The following ESRRG variants were observed in gnomAD, a reference collection of about 807,000 sequenced individuals.
ESRRG encodes estrogen related receptor gamma, also known as estrogen-related receptor gamma.
Under a neutral mutation model 44.0 loss-of-function variants are expected in ESRRG, and 13 were observed. The observed-to-expected ratio is 0.30, with a 90% CI of 0.19 to 0.47. The LOEUF (loss-of-function observed/expected upper bound fraction) is 0.47. Among genes scored for constraint, ESRRG ranks in the 20% least tolerant of loss-of-function variants. ESRRG has a pLI of 1.00. For missense variants in ESRRG, 395 were observed against 580.6 expected, an observed-to-expected ratio of 0.68 and a Z score of 3.29; for synonymous variants, 215 against 214.6, an observed-to-expected ratio of 1.00 and a Z score of -0.02.
intron 3 of ESRRG, among the ~76,000 whole-genome samples, chr1:216,639,528 G>C (rs1309166194): frequency 6.6e-6 from 1 of 152,096 alleles, no homozygotes; most frequent in African/African-American, 2.4e-5. Context: ...CCAGAAATTG[G>C]TACAGAAACC....
chr1:217,125,792 G>A (rs2092881903), intron 1 of ESRRG, among the ~76,000 whole-genome samples: 2 of 152,196 alleles, frequency 1.3e-5, no homozygotes, highest in Middle Eastern at 3.2e-3. Context: ...TATGTGGTCA[G>A]ACAACTTCTT....
intron 1 of ESRRG, among the ~76,000 whole-genome samples, chr1:217,132,200 G>T (rs1288035224): frequency 6.6e-6 from 1 of 152,110 alleles, no homozygotes; most frequent in Non-Finnish European, 1.5e-5. Flanking sequence ...TCACTGTGTT[G>T]CTCAGGCTGG....
intron 2 of ESRRG, among the ~76,000 whole-genome samples, chr1:216,839,456 A>T (rs1419576622): frequency 6.6e-6 from 1 of 152,126 alleles, no homozygotes; most frequent in East Asian, 1.9e-4. Context: ...ATGAATCACA[A>T]ATGTTCTGAA....
intron 2 of ESRRG, among the ~76,000 whole-genome samples, chr1:216,780,665 T>G (rs1199353337): frequency 6.6e-6 from 1 of 152,014 alleles, no homozygotes; most frequent in Non-Finnish European, 1.5e-5. Flanking sequence ...TTAATCTATA[T>G]TATCTGTATA....
At chr1:217,134,869 C>G (rs994919497) in intron 1 of ESRRG, among the ~76,000 whole-genome samples, 4 of 152,204 alleles carry the variant, frequency 2.6e-5, no homozygotes, top group African/African-American at 9.6e-5. Context: ...CCGACCGCCG[C>G]GATCCGCTTG....
In ESRRG at chr1:217,046,735, T is replaced by C. The variant is rs150239112; in HGVS notation, c.-106+42772A>G. Among the ~76,000 whole-genome samples the C allele has an allele frequency of 9.9e-5, 15 of 152,120 alleles. 1 individual carries two copies. In the East Asian group the frequency reaches 2.9e-3, roughly 29 times the overall value. On this transcript the variant is annotated intron_variant, in intron 1 of 7. Transcript: ENST00000359162. Reference sequence around the variant, plus strand: ...CCCATCTCTACAAATGATCAAAAATTAGCCAGGTGTGGTGGTATGCACCTG... The same window carrying C: ...CCCATCTCTACAAATGATCAAAAATCAGCCAGGTGTGGTGGTATGCACCTG...
chr1:217,102,053 G>A (rs1472540949), intron 1 of ESRRG, among the ~76,000 whole-genome samples: 1 of 152,102 alleles, frequency 6.6e-6, no homozygotes, highest in East Asian at 1.9e-4. Flanking sequence ...TGATCCCCCC[G>A]CTTCGGCCTC....
Position 216,506,903 on chromosome 1 carries a change from C to G in ESRRG, c.*36G>C, listed in dbSNP as rs746931549. On this transcript the variant is annotated 3_prime_UTR_variant, in exon 7 of 7. Coordinates refer to ENST00000408911, the MANE Select transcript of ESRRG (RefSeq NM_001438.4). Reference sequence around the variant, plus strand: ...ACTCTTGGGTTTATTTTCCCTTTTTCAACATGAAGGATGGGAAGGCCCAGG... The same window carrying G: ...ACTCTTGGGTTTATTTTCCCTTTTTGAACATGAAGGATGGGAAGGCCCAGG... 6.3e-7 allele frequency: 1 copy of G among 1,582,750 alleles called. No individual in the cohort carries two copies. The highest frequency in any genetic ancestry group is 8.6e-7 in the Non-Finnish European group (1 of 1,167,824).
intron 1 of ESRRG, 45 bp downstream of exon 1, chr1:216,723,199 G>GCCCCCC: frequency 3.0e-6 from 2 of 659,796 alleles, no homozygotes; most frequent in Non-Finnish European, 5.1e-6. Flanking sequence ...CCCCACCCCC[G>GCCCCCC]CACCCCCACG....
At chr1:216,551,012 C>T (rs775976737) in intron 5 of ESRRG, among the ~76,000 whole-genome samples, 4 of 152,096 alleles carry the variant, frequency 2.6e-5, no homozygotes, top group Admixed American at 6.6e-5. Context: ...GGCCAGGAGG[C>T]GTGGTTGACA....
At chr1:216,770,271 T>C (rs17043745) in intron 2 of ESRRG, among the ~76,000 whole-genome samples, 196 of 152,242 alleles carry the variant, frequency 1.3e-3, no homozygotes, top group African/African-American at 4.6e-3. Context: ...AAAAGTACCC[T>C]GTGATAGAGA....
intron 3 of ESRRG, among the ~76,000 whole-genome samples, chr1:216,632,991 A>G (rs2064542478): frequency 6.6e-6 from 1 of 152,150 alleles, no homozygotes; most frequent in Non-Finnish European, 1.5e-5. Context: ...AGAGGAAGAG[A>G]GAGAGAGAGG....
At chr1:216,957,695 G>T (rs1347835774) in intron 1 of ESRRG, among the ~76,000 whole-genome samples, 1 of 152,102 alleles carries the variant, frequency 6.6e-6, no homozygotes, top group Non-Finnish European at 1.5e-5. Flanking sequence ...CATCCCGACT[G>T]GTTTCCCTGT....
chr1:216,773,745 A>G (rs1418644601), intron 2 of ESRRG, among the ~76,000 whole-genome samples: 3 of 152,116 alleles, frequency 2.0e-5, no homozygotes, highest in Non-Finnish European at 4.4e-5. Context: ...GCTTGTTTTG[A>G]GGCTACAACA....
Position 216,503,516 on chromosome 1 carries a change from A to ATTC in ESRRG, c.*3422_*3423insGAA, listed in dbSNP as rs2040681047. 1 of 152,418 alleles carries ATTC rather than the reference A, an allele frequency of 6.6e-6. No homozygotes were observed. The highest frequency in any genetic ancestry group is 2.4e-5 in the African/African-American group (1 of 41,374). 9.4% of individuals were successfully genotyped at this position (152,418 alleles called of 1,614,324 possible). A position where few individuals can be genotyped will look rare whatever the true frequency, so the allele number is the denominator to read the frequency against. On this transcript the variant is annotated 3_prime_UTR_variant, in exon 7 of 7. Transcript: ENST00000408911. ...TAGACATGGTTTTATTATTATTATT[A>ATTC]TTATTTTTACTACTGGCTATAATGC...
At chr1:216,766,700 T>C (rs973554030) in intron 2 of ESRRG, among the ~76,000 whole-genome samples, 1 of 152,108 alleles carries the variant, frequency 6.6e-6, no homozygotes, top group Non-Finnish European at 1.5e-5. Flanking sequence ...ATGTCCTTAA[T>C]TTTTATCAGA....
intron 1 of ESRRG, among the ~76,000 whole-genome samples, chr1:216,995,079 G>T (rs1162936289): frequency 6.6e-6 from 1 of 152,178 alleles, no homozygotes; most frequent in Non-Finnish European, 1.5e-5. Flanking sequence ...AAAGATCAAA[G>T]ACGACTGAGA....
At chr1:216,831,053 A>G (rs1290936447) in intron 2 of ESRRG, among the ~76,000 whole-genome samples, 1 of 151,894 alleles carries the variant, frequency 6.6e-6, no homozygotes, top group Non-Finnish European at 1.5e-5. Flanking sequence ...GCATCACACA[A>G]TGTTTGAGTG....
intron 2 of ESRRG, among the ~76,000 whole-genome samples, chr1:216,822,625 T>C (rs2095321367): frequency 6.6e-6 from 1 of 152,212 alleles, no homozygotes; most frequent in Non-Finnish European, 1.5e-5. Context: ...AAGGCTTATC[T>C]TTAAGTCATC....
Sources: allele counts gnomAD v4.1 joint callset (sites outside exome capture counted in the v4.1 genomes callset), GRCh38; gene constraint gnomAD v4.1.1; transcripts MANE v1.5; gene names NCBI Gene and HGNC (gene_info 2026-07-23, HGNC 2026-07-21).